Variants in POLE2 observed in about 807,000 individuals in gnomAD.
POLE2 encodes the protein DNA polymerase epsilon subunit 2.
In POLE2, 56 loss-of-function variants were observed where a neutral mutation model predicts 79.4. That is an observed-to-expected ratio of 0.71 (90% CI 0.57 to 0.88). The LOEUF (loss-of-function observed/expected upper bound fraction) is 0.88. Among genes scored for constraint, POLE2 ranks in the 40% least tolerant of loss-of-function variants. POLE2 has a pLI of 0.00. For synonymous variants in POLE2, 212 were observed against 214.0 expected, an observed-to-expected ratio of 0.99 and a Z score of 0.08; for missense variants, 598 against 638.9, an observed-to-expected ratio of 0.94 and a Z score of 0.69.
chr14:49,675,363 C>A lies in POLE2; in HGVS notation c.246-936G>T, dbSNP rs148498804. 9.9e-3 allele frequency among the ~76,000 whole-genome samples: 1,514 copies of A among 152,284 alleles called. 14 individuals carry two copies. Among genetic ancestry groups the A allele is most frequent in the Admixed American group, 0.013 (200 of 15,284 alleles). ...CCTCCCAAAGTGCAGGGATTACAGGCATGAGCCACTGCGCCCGGCCATGAG... is the reference window on the plus strand; with the variant it reads ...CCTCCCAAAGTGCAGGGATTACAGGAATGAGCCACTGCGCCCGGCCATGAG... On this transcript the variant is annotated intron_variant, in intron 3 of 18. Coordinates refer to ENST00000216367, the MANE Select transcript of POLE2 (RefSeq NM_002692.4).
At chr14:49,677,661 T>A (rs1309206503) in intron 3 of POLE2, 2 of 822,090 alleles carry the variant, frequency 2.4e-6, no homozygotes, top group Non-Finnish European at 3.8e-6. Flanking sequence ...TATGCCACAA[T>A]GTTTGGGGAA....
chr14:49,686,969 G>A (rs1049392669), intron 1 of POLE2, among the ~76,000 whole-genome samples: 1 of 152,022 alleles, frequency 6.6e-6, no homozygotes, highest in Non-Finnish European at 1.5e-5. Flanking sequence ...CAATCCAGCA[G>A]GTATTTCAAT....
At position 49,651,351 on chromosome 14, in the gene POLE2, G is replaced by A. The variant is rs534333486; in HGVS notation, c.1238C>T (p.Thr413Ile). Residue 413 changes from threonine (T) to isoleucine (I), a missense_variant, in exon 16 of 19, where the codon ACT (threonine) becomes ATT (isoleucine). Physicochemically the swap from Thr to Ile is moderately conservative, Grantham distance 89. Transcript: ENST00000216367. ...CRIQYCTQEI[T>I]VFREDLVNKM... ...ATTTACTAAGTCTTCACGGAAGACA[G>A]TAATTTCCTGTGTACAGTACTGAAT... 49 of 1,570,604 alleles carry A rather than the reference G, an allele frequency of 3.1e-5. No homozygotes were observed. The East Asian group carries it at 1.0e-3, about 33-fold the overall frequency.
At chr14:49,658,076 C>CTT (rs745935612) in intron 10 of POLE2, among the ~76,000 whole-genome samples, 3 of 144,462 alleles carry the variant, frequency 2.1e-5, no homozygotes, top group African/African-American at 5.0e-5. Context: ...CTCTGGTCAT[C>CTT]TTTTTTTTTT....
chr14:49,680,142 G>T lies in POLE2; in HGVS notation c.170-342C>A, dbSNP rs534929262. Among the ~76,000 whole-genome samples, 107 of 152,312 alleles carry T rather than the reference G, an allele frequency of 7.0e-4. 1 individual carries two copies. In the South Asian group the frequency reaches 0.022, roughly 31 times the overall value. The stretch of plus-strand genomic sequence containing the variant: ...AGGCAGGAGGATGGCTCGAGCCCAG[G>T]AGTTTGAGACCAGCCCAGACAACGT... On this transcript the variant is annotated intron_variant, in intron 2 of 18. Coordinates refer to ENST00000216367, the MANE Select transcript of POLE2 (RefSeq NM_002692.4).
intron 10 of POLE2, among the ~76,000 whole-genome samples, chr14:49,656,094 G>A (rs1442609135): frequency 2.0e-5 from 3 of 152,118 alleles, no homozygotes; most frequent in Admixed American, 6.5e-5. Context: ...GGTGGCTCAC[G>A]CCTGTAATCC....
chr14:49,677,888 AT>A (rs1387812922), intron 3 of POLE2: 1 of 368,162 alleles, frequency 2.7e-6, no homozygotes, highest in Non-Finnish European at 4.9e-6. Context: ...CACTGCCCAA[AT>A]CTGAACAAAG....
intron 2 of POLE2, 75 bp from the exon 3 acceptor site, chr14:49,679,875 C>T (rs1886574858): frequency 1.2e-6 from 1 of 805,856 alleles, no homozygotes; most frequent in Non-Finnish European, 2.1e-6. Flanking sequence ...GCTCTTTTCC[C>T]AAAAATAATT....
rs576417222 is a variant in POLE2, at chr14:49,650,659, TAAC to T, written c.1321-221_1321-219del. Reference sequence around the variant, plus strand: ...AAAAAATCTATGAGTTTTCATTTAATAACATATACATCATTATGCTGCCCAGGC... The same window carrying T: ...AAAAAATCTATGAGTTTTCATTTAATATATACATCATTATGCTGCCCAGGC... On this transcript the variant is annotated intron_variant, in intron 16 of 18. Coordinates refer to ENST00000216367, the MANE Select transcript of POLE2 (RefSeq NM_002692.4). Among the ~76,000 whole-genome samples, 20 of 152,318 alleles carry T rather than the reference TAAC, an allele frequency of 1.3e-4. No homozygotes were observed. In the South Asian group the frequency reaches 3.9e-3, roughly 30 times the overall value.
intron 3 of POLE2, among the ~76,000 whole-genome samples, chr14:49,678,360 G>T (rs1021284694): frequency 6.6e-6 from 1 of 152,000 alleles, no homozygotes; most frequent in Non-Finnish European, 1.5e-5. Flanking sequence ...TTTACTGAGT[G>T]GGGGTGGAAT....
intron 4 of POLE2, 55 bp downstream of exon 4, chr14:49,674,295 C>T: frequency 1.4e-6 from 2 of 1,463,592 alleles, no homozygotes; most frequent in Non-Finnish European, 1.9e-6. Flanking sequence ...ACTATACCTT[C>T]TGAAAAAAAA....
At chr14:49,655,593 A>G (rs1884601405) in intron 11 of POLE2, 78 bp downstream of exon 11, 4 of 937,410 alleles carry the variant, frequency 4.3e-6, no homozygotes. Context: ...ACTCAAAAAG[A>G]TAAATAGAAT....
In POLE2 at chr14:49,683,531, C is replaced by A. The variant is rs1886889711; in HGVS notation, c.169+62G>T. On this transcript the variant is annotated intron_variant, in intron 2 of 18. Transcript: ENST00000216367. ...GCCTCAACTTCAATTTAAATCTATACATCTAACTGAAGATGCAGAACTATA... is the reference window on the plus strand; with the variant it reads ...GCCTCAACTTCAATTTAAATCTATAAATCTAACTGAAGATGCAGAACTATA... 5.3e-6 allele frequency: 4 copies of A among 749,766 alleles called. No individual in the cohort carries two copies. The South Asian group carries it at 6.8e-5, about 13-fold the overall frequency. 46.4% of individuals were successfully genotyped at this position (749,766 alleles called of 1,614,324 possible). A position where few individuals can be genotyped will look rare whatever the true frequency, so the allele number is the denominator to read the frequency against.
At chr14:49,655,133 T>C in intron 11 of POLE2, 39 bp from the exon 12 acceptor site, 1 of 980,752 alleles carries the variant, frequency 1.0e-6, no homozygotes, top group South Asian at 2.4e-5. Context: ...ACTTTTCTAG[T>C]CTACAAATCA....
intron 3 of POLE2, chr14:49,677,338 T>C (rs921750232): frequency 1.9e-6 from 1 of 518,658 alleles, no homozygotes; most frequent in Non-Finnish European, 3.5e-6. Context: ...GGCAACTTCC[T>C]GACTTAGGAT....
In POLE2 at chr14:49,688,172, A is replaced by G. The variant is rs1301592510; in HGVS notation, c.32T>C (p.Leu11Pro). The G allele has an allele frequency of 1.3e-6, 2 of 1,548,880 alleles. No individual in the cohort carries two copies. Among genetic ancestry groups the G allele is most frequent in the Non-Finnish European group, 8.7e-7 (1 of 1,149,266 alleles). Residue 11 changes from leucine (L) to proline (P), a missense_variant, in exon 1 of 19, where the codon CTC becomes CCC. By Grantham distance (98) the Leu-to-Pro change is moderately conservative. Coordinates refer to ENST00000216367, the MANE Select transcript of POLE2 (RefSeq NM_002692.4). ...CAAGCCCCGCAACTTGAAGGCGGAG[A>G]GCGCCCGGCTCCGCAGCCGCTCCGG... MAPERLRSRA[L>P]SAFKLRGLLL...
intron 18 of POLE2, among the ~76,000 whole-genome samples, chr14:49,646,384 C>G (rs1169152263): frequency 7.3e-6 from 1 of 137,076 alleles, no homozygotes; most frequent in Non-Finnish European, 1.5e-5. Flanking sequence ...GTGGCGCCAT[C>G]TCTGCTCACT....
intron 10 of POLE2, among the ~76,000 whole-genome samples, chr14:49,663,029 C>CT (rs772918995): frequency 6.6e-6 from 1 of 152,142 alleles, no homozygotes; most frequent in Non-Finnish European, 1.5e-5. Context: ...TCCTAGTTGT[C>CT]TTATCTCACT....
At chr14:49,663,795 G>A (rs990978341) in intron 9 of POLE2, among the ~76,000 whole-genome samples, 1 of 152,048 alleles carries the variant, frequency 6.6e-6, no homozygotes, top group Admixed American at 6.6e-5. Flanking sequence ...TTGGGAGGCT[G>A]AGGCGGGCGG....
Sources: allele counts gnomAD v4.1 joint callset (sites outside exome capture counted in the v4.1 genomes callset), GRCh38; gene constraint gnomAD v4.1.1; transcripts MANE v1.5; gene names NCBI Gene and HGNC (gene_info 2026-07-23, HGNC 2026-07-21).